The following PGAP6 variants were observed in gnomAD, a reference collection of about 807,000 sequenced individuals.
PGAP6 encodes the protein post-GPI attachment to proteins factor 6.
Under a neutral mutation model 68.4 loss-of-function variants are expected in PGAP6, and 62 were observed. The observed-to-expected ratio is 0.91, with a 90% confidence interval of 0.74 to 1.12. The LOEUF is 1.12. PGAP6 is among the 50% of genes most tolerant of loss of function. The pLI, the probability that PGAP6 is intolerant of heterozygous loss-of-function variation, is 0.00. For missense variants in PGAP6, 1,188 were observed against 1,068.5 expected, an observed-to-expected ratio of 1.11 and a Z score of -1.56; for synonymous variants, 575 against 474.0, an observed-to-expected ratio of 1.21 and a Z score of -2.77.
chr16:379,723 G>A (rs1229912752), intron 1 of PGAP6, among the ~76,000 whole-genome samples: 2 of 152,232 alleles, frequency 1.3e-5, no homozygotes, highest in African/African-American at 2.4e-5. Context: ...AGAGATAAGA[G>A]ATCTGTTCAA....
At chr16:381,462 G>A (rs1597166789) in intron 1 of PGAP6, among the ~76,000 whole-genome samples, 1 of 152,116 alleles carries the variant, frequency 6.6e-6, no homozygotes, top group South Asian at 2.1e-4. Flanking sequence ...GGCGCTCCAG[G>A]GGCCGATGTG....
intron 1 of PGAP6, among the ~76,000 whole-genome samples, chr16:380,513 T>C (rs1490734546): frequency 6.6e-6 from 1 of 152,002 alleles, no homozygotes; most frequent in Admixed American, 6.6e-5. Flanking sequence ...ATTACAGGCA[T>C]GCGCCACCAC....
Position 376,698 on chromosome 16 carries a change from G to A in PGAP6, c.750C>T (p.Ser250=). ...RLTVGPVTLP[S]NFQKVLTCTG... ...TGCAGGTGAGCACCTTCTGGAAGTTGCTAGGCAGGGTGACCGGGCCCACGG... is the reference window on the plus strand; with the variant it reads ...TGCAGGTGAGCACCTTCTGGAAGTTACTAGGCAGGGTGACCGGGCCCACGG... Residue 250 remains serine, a synonymous_variant, in exon 5 of 13, where the codon AGC becomes AGT. Transcript: ENST00000431232. 2 of 1,611,654 alleles carry A rather than the reference G, an allele frequency of 1.2e-6. No homozygotes were observed. The highest frequency in any genetic ancestry group is 1.1e-5 in the South Asian group (1 of 91,010).
rs758889339 is a variant in PGAP6, at chr16:372,081, T to C, written c.2222A>G (p.Asp741Gly). 5.0e-6 allele frequency: 8 copies of C among 1,612,076 alleles called. No individual in the cohort carries two copies. The highest frequency in any genetic ancestry group is 5.9e-6 in the Non-Finnish European group (7 of 1,179,850). The change falls in exon 13 of 13, where the codon GAC becomes GGC. Residue 741 changes from aspartate (D) to glycine (G), a missense_variant. Physicochemically the swap from Asp to Gly is moderately conservative, Grantham distance 94. Coordinates refer to ENST00000431232, the MANE Select transcript of PGAP6 (RefSeq NM_021259.3). ...GSAALLLPPP[D>G]QPAEPWACSQ... The stretch of plus-strand genomic sequence containing the variant: ...GCAGGCCCAGGGCTCGGCGGGCTGG[T>C]CAGGTGGCGGCAGCAGCAAGGCTGC...
In PGAP6 at chr16:377,568, G is replaced by A; in HGVS notation, c.317C>T (p.Ala106Val). ...GCCCAGCGGGTTGATGACCGGAGGG[G>A]CGCCGGAACGGAAGTGCCTGGAGAC... ...AEITVHFRSG[A>V]PPVINPLGTS... The change falls in exon 3 of 13, where the codon GCC becomes GTC. Residue 106 changes from alanine (A) to valine (V), a missense_variant. Coordinates refer to ENST00000431232, the MANE Select transcript of PGAP6 (RefSeq NM_021259.3). 1 of 1,579,104 alleles carries A rather than the reference G, an allele frequency of 6.3e-7. No homozygotes were observed. The highest frequency in any genetic ancestry group is 8.6e-7 in the Non-Finnish European group (1 of 1,163,064).
chr16:382,213 C>T (rs1432146155), upstream of PGAP6: 21 of 392,748 alleles, frequency 5.3e-5, no homozygotes, highest in African/African-American at 2.1e-5. Flanking sequence ...GAGGTCGCGC[C>T]GGGCGCGCTC....
At chr16:372,340 A>G (rs1157290641) in intron 12 of PGAP6, 57 bp from the exon 13 acceptor site, 11 of 1,543,306 alleles carry the variant, frequency 7.1e-6, no homozygotes, top group Non-Finnish European at 9.6e-6. Context: ...TGCAGCTCCC[A>G]GGGCCCAGAT....
At chr16:386,048 G>T (rs2054482997), upstream of PGAP6, among the ~76,000 whole-genome samples, 1 of 152,112 alleles carries the variant, frequency 6.6e-6, no homozygotes, top group South Asian at 2.1e-4. Context: ...CAAACAGGAA[G>T]ACCCTCAAGC....
At position 372,221 on chromosome 16, in the gene PGAP6, G is replaced by A. The variant is rs764691487; in HGVS notation, c.2082C>T (p.Tyr694=). Residue 694 remains tyrosine (Y), a synonymous_variant, in exon 13 of 13, where the codon TAC becomes TAT. Coordinates refer to ENST00000431232, the MANE Select transcript of PGAP6 (RefSeq NM_021259.3). ...AGGCCATAGAGACGCCGGGCAGGAG[G>A]TAGAAGGCCCAGCGCTGCCACGAGG... The part of the protein sequence containing the change: ...YPTSWQRWAF[Y]LLPGVSMASV... The A allele has an allele frequency of 9.3e-6, 15 of 1,612,412 alleles. No individual in the cohort carries two copies. The Admixed American group carries it at 1.8e-4, about 20-fold the overall frequency.
chr16:384,717 G>C (rs890131227), upstream of PGAP6, among the ~76,000 whole-genome samples: 1 of 152,048 alleles, frequency 6.6e-6, no homozygotes, highest in African/African-American at 2.4e-5. Flanking sequence ...TTAGCCGGGC[G>C]TGGTGGCAGG....
intron 11 of PGAP6, among the ~76,000 whole-genome samples, chr16:373,729 C>T (rs2054353881): frequency 6.6e-6 from 1 of 152,218 alleles, no homozygotes; most frequent in Non-Finnish European, 1.5e-5. Flanking sequence ...TTGTACAGCC[C>T]AGGCTGCTCT....
At position 372,549 on chromosome 16, in the gene PGAP6, A is replaced by C. The variant is rs748249711; in HGVS notation, c.2019+62T>G. 2.2e-6 allele frequency: 3 copies of C among 1,348,988 alleles called. No homozygotes were observed. In the East Asian group the frequency reaches 6.9e-5, roughly 31 times the overall value. The allele number at this position is 1,348,988 out of a possible 1,614,324, so 83.6% of individuals were successfully genotyped here. On this transcript the variant is annotated intron_variant, in intron 12 of 12. Transcript: ENST00000431232. ...GCAGGACCAGGAACGTGGCTAGAGCAAGGGGCCAGGCTCTCTTCTCCGAGC... is the reference window on the plus strand; with the variant it reads ...GCAGGACCAGGAACGTGGCTAGAGCCAGGGGCCAGGCTCTCTTCTCCGAGC...
At chr16:386,725 C>CAAAAAAAAAAAAAAAAAAAAA, upstream of PGAP6, 1 of 283,152 alleles carries the variant, frequency 3.5e-6, no homozygotes, top group Non-Finnish European at 6.3e-6. Context: ...AAAAAAAAAA[C>CAAAAAAAAAAAAAAAAAAAAA]CAAAAAAAAA....
At chr16:375,297 C>T (rs201051325) in intron 7 of PGAP6, 41 bp from the exon 8 acceptor site, 9 of 1,612,394 alleles carry the variant, frequency 5.6e-6, no homozygotes, top group Admixed American at 3.3e-5. Flanking sequence ...GAGGCCGGGG[C>T]GGGGGGCTGG....
chr16:382,542 AC>A (rs1359034374), upstream of PGAP6: 4 of 325,352 alleles, frequency 1.2e-5, no homozygotes, highest in Non-Finnish European at 2.2e-5. Context: ...GGACTGTAGT[AC>A]CCGATCGGGG....
chr16:381,159 C>T (rs1046592300), intron 1 of PGAP6, among the ~76,000 whole-genome samples: 3 of 152,324 alleles, frequency 2.0e-5, no homozygotes, highest in Non-Finnish European at 4.4e-5. Flanking sequence ...AGCCCCTCTT[C>T]CGCCAGCTGG....
Position 375,518 on chromosome 16 carries a change from G to A in PGAP6, c.1225-83C>T. 3.4e-6 allele frequency: 4 copies of A among 1,164,900 alleles called. No individual in the cohort carries two copies. In the South Asian group the frequency reaches 3.9e-5, roughly 11 times the overall value. The allele number at this position is 1,164,900 out of a possible 1,614,324, so 72.2% of individuals were successfully genotyped here. Reference sequence around the variant, plus strand: ...TCTGCCCCACGTGCCAGCTCAGCCTGGTGCTGGTGCCTTTCTTTTTTTTTT... The same window carrying A: ...TCTGCCCCACGTGCCAGCTCAGCCTAGTGCTGGTGCCTTTCTTTTTTTTTT... On this transcript the variant is annotated intron_variant, in intron 6 of 12. Transcript: ENST00000431232.
In PGAP6 at chr16:376,816, C is replaced by A; in HGVS notation, c.636-4G>T. On this transcript the variant is annotated splice_region_variant and splice_polypyrimidine_tract_variant and intron_variant, in intron 4 of 12. Transcript: ENST00000431232. The stretch of plus-strand genomic sequence containing the variant: ...CGTGTAATCGGGGACAAAGACCCTG[C>A]AGCGAGGGGACACAGCTGGCTCAGG... The A allele has an allele frequency of 6.2e-7, 1 of 1,603,422 alleles. No individual in the cohort carries two copies. Among genetic ancestry groups the A allele is most frequent in the Non-Finnish European group, 8.5e-7 (1 of 1,179,780 alleles).
At chr16:380,350 AT>A (rs1019248658) in intron 1 of PGAP6, among the ~76,000 whole-genome samples, 36 of 147,812 alleles carry the variant, frequency 2.4e-4, no homozygotes, top group Admixed American at 2.0e-3. Context: ...CACCCAGGTT[AT>A]TTTTTTTTCT....
Sources: gnomAD v4.1 joint callset for allele counts (sites outside exome capture counted in the v4.1 genomes callset) on GRCh38, gnomAD v4.1.1 for gene constraint, MANE v1.5 for transcripts, NCBI Gene and HGNC (gene_info 2026-07-23, HGNC 2026-07-21) for gene names.